SLC45A3: variants seen among roughly 807,000 people sequenced by gnomAD.
SLC45A3 encodes the protein solute carrier family 45 member 3, also known as prostate cancer associated protein 2.
Under a neutral mutation model 35.3 loss-of-function variants are expected in SLC45A3, and 17 were observed. That is an observed-to-expected ratio of 0.48 (90% CI 0.33 to 0.72). The LOEUF (loss-of-function observed/expected upper bound fraction) is 0.72. Among genes scored for constraint, SLC45A3 ranks in the 30% least tolerant of loss-of-function variants. The pLI is 0.02. For missense variants in SLC45A3, 597 were observed against 731.7 expected (o/e 0.82, Z 2.12); for synonymous variants, 288 against 334.3 (o/e 0.86, Z 1.51).
chr1:205,672,900 AG>A (rs987867702), intron 1 of SLC45A3, among the ~76,000 whole-genome samples: 2 of 152,160 alleles, frequency 1.3e-5, no homozygotes, highest in African/African-American at 4.8e-5. Flanking sequence ...GTACCCCCTA[AG>A]GGCTCACTGA....
chr1:205,670,131 G>A (rs1307190587), intron 1 of SLC45A3, among the ~76,000 whole-genome samples: 2 of 152,060 alleles, frequency 1.3e-5, no homozygotes, highest in Non-Finnish European at 2.9e-5. Context: ...GCAGCTCCAC[G>A]GGAGCCTTGG....
chr1:205,660,096 A>T (rs1322607962), intron 4 of SLC45A3, among the ~76,000 whole-genome samples: 4 of 152,108 alleles, frequency 2.6e-5, no homozygotes, highest in African/African-American at 9.7e-5. Flanking sequence ...AGGCTCTCCT[A>T]ACCTTCCTTC....
Position 205,662,458 on chromosome 1 carries a change from TG to T in SLC45A3, c.959-333del. ...CAAGACGCTTCTAGGACGCCTGAGC[TG>T]GAAGGCGCTGGTGAGATTATTTGGA... On this transcript the variant is annotated intron_variant, in intron 3 of 4. Transcript: ENST00000367145. The surrounding 1 kb of genome is among the most constrained non-coding windows in gnomAD (Gnocchi z 6.2). 2 of 1,297,040 alleles carry T rather than the reference TG, an allele frequency of 1.5e-6. No homozygotes were observed. The highest frequency in any genetic ancestry group is 1.5e-5 in the African/African-American group (1 of 67,080). The allele number at this position is 1,297,040 out of a possible 1,614,324, so 80.3% of individuals were successfully genotyped here. A position where few individuals can be genotyped will look rare whatever the true frequency, so the allele number is the denominator to read the frequency against.
rs969907216 is a variant in SLC45A3 at position 205,664,384 on chromosome 1, C to CA, written c.172+100dup. On this transcript the variant is annotated intron_variant, in intron 2 of 4. Transcript: ENST00000367145. The surrounding 1 kb of genome is among the most constrained non-coding windows in gnomAD (Gnocchi z 5.3). Reference sequence around the variant, plus strand: ...GCCCAGCAATGCCTTCCCAGCAGACCACCTCTCCCTCCAAGCAGCTCCCAG... The same window carrying CA: ...GCCCAGCAATGCCTTCCCAGCAGACCAACCTCTCCCTCCAAGCAGCTCCCAG... 9 of 1,483,056 alleles carry CA rather than the reference C, an allele frequency of 6.1e-6. No individual in the cohort carries two copies. In the South Asian group the frequency reaches 7.7e-5, roughly 13 times the overall value. 91.9% of individuals were successfully genotyped at this position (1,483,056 alleles called of 1,614,324 possible).
chr1:205,670,050 G>A (rs907380353), intron 1 of SLC45A3, among the ~76,000 whole-genome samples: 2 of 151,848 alleles, frequency 1.3e-5, no homozygotes, highest in Non-Finnish European at 1.5e-5. Flanking sequence ...AGTCCCAAGG[G>A]ACCAATGCTG....
chr1:205,658,707 C>T lies in SLC45A3; in HGVS notation c.*527G>A, dbSNP rs1670963996. On this transcript the variant is annotated 3_prime_UTR_variant, in exon 5 of 5. Coordinates refer to ENST00000367145, the MANE Select transcript of SLC45A3 (RefSeq NM_033102.3). ...AGGGGACCTGGTTCTTGTGTGTTGC[C>T]CCTCAGGACTCTTCCCCTACAAATA... is the stretch of plus-strand genomic sequence containing the variant. 4.2e-6 allele frequency: 1 copy of T among 235,788 alleles called. No individual in the cohort carries two copies. The highest frequency in any genetic ancestry group is 8.4e-6 in the Non-Finnish European group (1 of 119,512). The allele number at this position is 235,788 out of a possible 1,614,324, so 14.6% of individuals were successfully genotyped here. A position where few individuals can be genotyped will look rare whatever the true frequency, so the allele number is the denominator to read the frequency against.
At chr1:205,679,864 TCGGCTCCCGTCC>T (rs1370619677) in intron 1 of SLC45A3, among the ~76,000 whole-genome samples, 1 of 151,840 alleles carries the variant, frequency 6.6e-6, no homozygotes, top group Non-Finnish European at 1.5e-5. Context: ...GCCGCGGCCG[TCGGCTCCCGTCC>T]CGGCTCCCCC....
In SLC45A3 at chr1:205,657,977, C is replaced by G. The variant is rs931022066; in HGVS notation, c.*1257G>C. ...ATTATTGCAAACGGCACTTAAACCCCCCCTGAGAGATAAGACCTCCCTTAG... is the reference window on the plus strand; with the variant it reads ...ATTATTGCAAACGGCACTTAAACCCGCCCTGAGAGATAAGACCTCCCTTAG... On this transcript the variant is annotated 3_prime_UTR_variant, in exon 5 of 5. Transcript: ENST00000367145. The G allele has an allele frequency of 2.7e-5, 6 of 225,614 alleles. No individual in the cohort carries two copies. The highest frequency in any genetic ancestry group is 5.3e-5 in the Non-Finnish European group (6 of 113,064). The allele number at this position is 225,614 out of a possible 1,614,324, so 14.0% of individuals were successfully genotyped here.
At chr1:205,676,294 G>A (rs1397433516) in intron 1 of SLC45A3, among the ~76,000 whole-genome samples, 1 of 152,150 alleles carries the variant, frequency 6.6e-6, no homozygotes, top group Non-Finnish European at 1.5e-5. Context: ...TGCTGTTGTG[G>A]GCTGGCTGCT....
Position 205,679,516 on chromosome 1 carries a change from G to A in SLC45A3, c.-231+878C>T, listed in dbSNP as rs1025268455. Reference sequence around the variant, plus strand: ...GGGCTTTTCTAGCAAGCCTGCCTAGGCCCAGAGCTCTGAGAAGCTGCACGG... The same window carrying A: ...GGGCTTTTCTAGCAAGCCTGCCTAGACCCAGAGCTCTGAGAAGCTGCACGG... On this transcript the variant is annotated intron_variant, in intron 1 of 4. Transcript: ENST00000367145. Among the ~76,000 whole-genome samples, 9 of 152,128 alleles carry A rather than the reference G, an allele frequency of 5.9e-5. No individual in the cohort carries two copies. The East Asian group carries it at 7.7e-4, about 13-fold the overall frequency.
At chr1:205,660,364 C>T (rs1670997625) in intron 4 of SLC45A3, among the ~76,000 whole-genome samples, 1 of 152,104 alleles carries the variant, frequency 6.6e-6, no homozygotes, top group East Asian at 1.9e-4. Flanking sequence ...AGTGACTGGT[C>T]GACCACCATC....
At chr1:205,679,117 G>A (rs1381323855) in intron 1 of SLC45A3, among the ~76,000 whole-genome samples, 1 of 152,150 alleles carries the variant, frequency 6.6e-6, no homozygotes, top group Non-Finnish European at 1.5e-5. Flanking sequence ...CCCAGCAAGG[G>A]TCACTGCGGG....
chr1:205,663,426 A>C lies in SLC45A3; in HGVS notation c.365T>G (p.Leu122Arg). ...LLCPDPRPLE[L>R]ALLILGVGLL... is the part of the protein sequence containing the mutation. ...CCCCACGCCCAGGATGAGCAGTGCCAGCTCCAGGGGCCTGGGATCCGGGCA... is the reference window on the plus strand; with the variant it reads ...CCCCACGCCCAGGATGAGCAGTGCCCGCTCCAGGGGCCTGGGATCCGGGCA... The change falls in exon 3 of 5, where the codon CTG (leucine) becomes CGG (arginine). Residue 122 changes from leucine to arginine, a missense_variant. Transcript: ENST00000367145. The C allele has an allele frequency of 6.2e-7, 1 of 1,612,956 alleles. No homozygotes were observed. Among genetic ancestry groups the C allele is most frequent in the South Asian group, 1.1e-5 (1 of 91,026 alleles).
At chr1:205,667,621 C>A (rs760680452) in intron 1 of SLC45A3, among the ~76,000 whole-genome samples, 9 of 152,076 alleles carry the variant, frequency 5.9e-5, no homozygotes, top group Non-Finnish European at 1.0e-4. Context: ...TCTCCTGAGT[C>A]CAGGAGTTCG....
At chr1:205,677,393 T>G (rs1357294315) in intron 1 of SLC45A3, among the ~76,000 whole-genome samples, 2 of 152,222 alleles carry the variant, frequency 1.3e-5, no homozygotes, top group African/African-American at 4.8e-5. Context: ...TTGGCTCCAT[T>G]GTCACCAAAT....
chr1:205,677,761 T>G (rs1671335064), intron 1 of SLC45A3, among the ~76,000 whole-genome samples: 1 of 152,220 alleles, frequency 6.6e-6, no homozygotes, highest in Non-Finnish European at 1.5e-5. Context: ...CAATATATAG[T>G]TGGTACTAAC....
Position 205,673,810 on chromosome 1 carries a change from T to C in SLC45A3, c.-231+6584A>G, listed in dbSNP as rs112041969. On this transcript the variant is annotated intron_variant, in intron 1 of 4. Coordinates refer to ENST00000367145, the MANE Select transcript of SLC45A3 (RefSeq NM_033102.3). ...TGGTGAGCAAGGAAAGGGTAGGCTC[T>C]CAAAGAAACTCATTTTCTGATTTAA... Among the ~76,000 whole-genome samples, 810 of 152,310 alleles carry C rather than the reference T, an allele frequency of 5.3e-3. 7 individuals are homozygous for C. Among genetic ancestry groups the C allele is most frequent in the African/African-American group, 0.019 (778 of 41,570 alleles).
Position 205,664,254 on chromosome 1 carries a change from G to A in SLC45A3, c.172+231C>T, listed in dbSNP as rs1671078883. ...GGAGCATTTCTCCAGTGTCTCCTAT[G>A]AGCCAGGCTCTGTGCAGGACCAGGG... On this transcript the variant is annotated intron_variant, in intron 2 of 4. Transcript: ENST00000367145. This position sits in a 1 kb window ranked among gnomAD's most constrained non-coding sequence, Gnocchi z 5.3. Among the ~76,000 whole-genome samples the A allele has an allele frequency of 1.3e-5, 2 of 152,198 alleles. No homozygotes were observed. Among genetic ancestry groups the A allele is most frequent in the Admixed American group, 1.3e-4 (2 of 15,286 alleles).
At position 205,669,675 on chromosome 1, in the gene SLC45A3, C is replaced by T. The variant is rs574568866; in HGVS notation, c.-230-4789G>A. On this transcript the variant is annotated intron_variant, in intron 1 of 4. Transcript: ENST00000367145. This position sits in a 1 kb window ranked among gnomAD's most constrained non-coding sequence, Gnocchi z 4.1. ...TGACCCCGCAGGCTCAGCGACCCTGCGTGTTCCCTGCACACTCACAAAGAC... is the reference window on the plus strand; with the variant it reads ...TGACCCCGCAGGCTCAGCGACCCTGTGTGTTCCCTGCACACTCACAAAGAC... 9.2e-5 allele frequency among the ~76,000 whole-genome samples: 14 copies of T among 152,298 alleles called. No individual in the cohort carries two copies. The South Asian group carries it at 2.7e-3, about 29-fold the overall frequency.
Sources: gnomAD v4.1 joint callset for allele counts (sites outside exome capture counted in the v4.1 genomes callset) on GRCh38, gnomAD v4.1.1 for gene constraint, Gnocchi (gnomAD v3.1) non-coding constraint, MANE v1.5 for transcripts, NCBI Gene and HGNC (gene_info 2026-07-23, HGNC 2026-07-21) for gene names.